The following ADAMTS19 variants were observed in gnomAD, a reference collection of about 807,000 sequenced individuals.
ADAMTS19 encodes the protein ADAM metallopeptidase with thrombospondin type 1 motif 19, also known as A disintegrin and metalloproteinase with thrombospondin motifs 19.
A neutral mutation model predicts 153.3 loss-of-function variants in ADAMTS19; 93 were observed. The observed-to-expected ratio is 0.61, with a 90% CI of 0.51 to 0.72. The LOEUF is 0.72. ADAMTS19 is among the 30% of genes least tolerant of loss of function. ADAMTS19 has a pLI of 0.00. For synonymous variants in ADAMTS19, 600 were observed against 556.6 expected (o/e 1.08, Z -1.10); for missense variants, 1,482 against 1,552.1 (o/e 0.95, Z 0.76).
intron 21 of ADAMTS19, among the ~76,000 whole-genome samples, chr5:129,704,864 T>C (rs959486680): frequency 6.6e-6 from 1 of 151,974 alleles, no homozygotes; most frequent in Non-Finnish European, 1.5e-5. Context: ...AGGAACAAAA[T>C]GTTGACATCC....
intron 15 of ADAMTS19, among the ~76,000 whole-genome samples, chr5:129,663,751 A>G (rs1425040480): frequency 6.6e-6 from 1 of 152,172 alleles, no homozygotes; most frequent in Non-Finnish European, 1.5e-5. Context: ...CCAGAATCCA[A>G]TTACCAAGGT....
intron 16 of ADAMTS19, among the ~76,000 whole-genome samples, chr5:129,672,129 A>G (rs1754328022): frequency 6.6e-6 from 1 of 152,008 alleles, no homozygotes; most frequent in South Asian, 2.1e-4. Context: ...CATACTGCCG[A>G]CTTCTAGCTG....
chr5:129,475,599 G>A (rs1247506729), intron 2 of ADAMTS19, among the ~76,000 whole-genome samples: 3 of 152,152 alleles, frequency 2.0e-5, no homozygotes, highest in South Asian at 2.1e-4. Context: ...TTGGGAGGCC[G>A]AGGCAGGCAG....
At chr5:129,528,956 A>T (rs1752107953) in intron 6 of ADAMTS19, among the ~76,000 whole-genome samples, 1 of 152,114 alleles carries the variant, frequency 6.6e-6, no homozygotes, top group Non-Finnish European at 1.5e-5. Flanking sequence ...ATAAGCTAAA[A>T]CTATGGTGAA....
At chr5:129,666,623 A>C (rs1238208713) in intron 16 of ADAMTS19, among the ~76,000 whole-genome samples, 2 of 152,174 alleles carry the variant, frequency 1.3e-5, no homozygotes, top group African/African-American at 4.8e-5. Flanking sequence ...GGGACTGTAA[A>C]AGGAATTCTT....
chr5:129,549,415 C>A (rs945450255), intron 6 of ADAMTS19, among the ~76,000 whole-genome samples: 1 of 151,452 alleles, frequency 6.6e-6, no homozygotes, highest in Non-Finnish European at 1.5e-5. Context: ...TAGTGCAGTA[C>A]TGTATATTAA....
intron 6 of ADAMTS19, among the ~76,000 whole-genome samples, chr5:129,547,358 A>G (rs1208167329): frequency 6.6e-6 from 1 of 150,928 alleles, no homozygotes; most frequent in Non-Finnish European, 1.5e-5. Flanking sequence ...ATTTTAGTGC[A>G]GTAAAGCCCA....
At chr5:129,542,578 G>A (rs1752693798) in intron 6 of ADAMTS19, among the ~76,000 whole-genome samples, 1 of 152,136 alleles carries the variant, frequency 6.6e-6, no homozygotes. Context: ...GATGGTGACT[G>A]CTTGGAAAAA....
chr5:129,487,065 G>A (rs1436363578), intron 2 of ADAMTS19, among the ~76,000 whole-genome samples: 1 of 152,170 alleles, frequency 6.6e-6, no homozygotes, highest in Non-Finnish European at 1.5e-5. Context: ...AAATTTGAAT[G>A]AGAAATGTTT....
intron 7 of ADAMTS19, 54 bp downstream of exon 7, chr5:129,551,961 CTTGT>C (rs1439952167): frequency 2.6e-5 from 30 of 1,156,242 alleles, no homozygotes; most frequent in Admixed American, 2.1e-4. Context: ...GAACATATCA[CTTGT>C]TTAAGTATAG....
chr5:129,501,625 T>C (rs759586208), intron 2 of ADAMTS19, among the ~76,000 whole-genome samples: 3 of 152,128 alleles, frequency 2.0e-5, no homozygotes, highest in Non-Finnish European at 4.4e-5. Context: ...CCAGACAGCC[T>C]TTCATTTGAA....
Position 129,528,619 on chromosome 5 carries a change from A to T in ADAMTS19, c.1270A>T (p.Met424Leu), listed in dbSNP as rs1372774857. The T allele has an allele frequency of 3.1e-6, 5 of 1,606,574 alleles. No homozygotes were observed. The highest frequency in any genetic ancestry group is 4.2e-6 in the Non-Finnish European group (5 of 1,177,128). The change falls in exon 6 of 23, where the codon ATG (methionine) becomes TTG (leucine). Residue 424 changes from methionine (M) to leucine (L), a missense_variant. Physicochemically the swap from Met to Leu is conservative, Grantham distance 15 (BLOSUM62 2). Coordinates refer to ENST00000274487, the MANE Select transcript of ADAMTS19 (RefSeq NM_133638.6). ...CAAAAAGAATGATATACATTTAGAG[A>T]TGTCAACAAACTGGGGGGAAGACAT... The part of the protein sequence containing the change: ...FGKKNDIHLE[M>L]STNWGEDMTS...
At chr5:129,670,626 C>T (rs2127094462) in intron 16 of ADAMTS19, among the ~76,000 whole-genome samples, 1 of 152,248 alleles carries the variant, frequency 6.6e-6, no homozygotes, top group Admixed American at 6.5e-5. Flanking sequence ...TAATTGTCGT[C>T]CATGCAACAC....
At chr5:129,712,996 C>T (rs1581253216) in intron 21 of ADAMTS19, among the ~76,000 whole-genome samples, 1 of 152,164 alleles carries the variant, frequency 6.6e-6, no homozygotes, top group African/African-American at 2.4e-5. Flanking sequence ...TAGCTTCTAG[C>T]ACAATTACTA....
At chr5:129,612,194 A>G (rs1751261422) in intron 8 of ADAMTS19, among the ~76,000 whole-genome samples, 1 of 139,990 alleles carries the variant, frequency 7.1e-6, no homozygotes, top group South Asian at 2.3e-4. Flanking sequence ...TCATTATTCA[A>G]TTCCCACCTA....
intron 22 of ADAMTS19, 41 bp from the exon 23 acceptor site, chr5:129,737,025 TG>T: frequency 6.7e-7 from 1 of 1,503,626 alleles, no homozygotes; most frequent in Non-Finnish European, 9.0e-7. Flanking sequence ...CTGACATATA[TG>T]ATATCTGCAT....
intron 2 of ADAMTS19, among the ~76,000 whole-genome samples, chr5:129,488,229 A>G (rs1750659816): frequency 6.6e-6 from 1 of 152,108 alleles, no homozygotes; most frequent in Non-Finnish European, 1.5e-5. Context: ...CTTGTAAATA[A>G]TGTACTTTCT....
chr5:129,515,085 A>G (rs1027676450), intron 3 of ADAMTS19, among the ~76,000 whole-genome samples: 29 of 152,072 alleles, frequency 1.9e-4, no homozygotes, highest in African/African-American at 7.0e-4. Context: ...CTTTTTCAAA[A>G]ATGAGTTCAC....
intron 15 of ADAMTS19, among the ~76,000 whole-genome samples, chr5:129,665,133 G>A (rs906022947): frequency 1.3e-5 from 2 of 151,644 alleles, no homozygotes; most frequent in Non-Finnish European, 1.5e-5. Flanking sequence ...ACCTAAAGAA[G>A]TTCCCACAAC....
Sources: allele counts gnomAD v4.1 joint callset (sites outside exome capture counted in the v4.1 genomes callset), GRCh38; gene constraint gnomAD v4.1.1; transcripts MANE v1.5; gene names NCBI Gene and HGNC (gene_info 2026-07-23, HGNC 2026-07-21).